The following ATP6V1C2 variants were observed in gnomAD, a reference collection of about 807,000 sequenced individuals.
ATP6V1C2 encodes the protein ATPase H+ transporting V1 subunit C2.
ATP6V1C2 carries 45 observed loss-of-function variants against 56.8 expected under a neutral mutation model. The observed-to-expected ratio is 0.79, with a 90% CI of 0.62 to 1.02. ATP6V1C2 has a LOEUF of 1.02. Among genes scored for constraint, ATP6V1C2 ranks in the 50% least tolerant of loss-of-function variants. The pLI, the probability that ATP6V1C2 is intolerant of heterozygous loss-of-function variation, is 0.00. For synonymous variants in ATP6V1C2, 220 were observed against 201.3 expected (o/e 1.09, Z -0.79); for missense variants, 463 against 519.7 (o/e 0.89, Z 1.06).
chr2:10,741,331 G>T (rs536170823), intron 3 of ATP6V1C2, among the ~76,000 whole-genome samples: 3 of 152,350 alleles, frequency 2.0e-5, no homozygotes, highest in Admixed American at 1.3e-4. Flanking sequence ...TGACTTTGCT[G>T]CAGGGCATGA....
At chr2:10,742,005 G>A (rs1292559570) in intron 3 of ATP6V1C2, among the ~76,000 whole-genome samples, 1 of 151,956 alleles carries the variant, frequency 6.6e-6, no homozygotes, top group Non-Finnish European at 1.5e-5. Context: ...CGCTTCCCGG[G>A]CTCAAGTGGT....
chr2:10,764,936 T>A (rs925797707), intron 5 of ATP6V1C2, among the ~76,000 whole-genome samples: 2 of 150,458 alleles, frequency 1.3e-5, no homozygotes, highest in Admixed American at 1.3e-4. Flanking sequence ...ATGCCACTGC[T>A]CTCCAGCTTG....
intron 3 of ATP6V1C2, among the ~76,000 whole-genome samples, chr2:10,749,399 A>G (rs1663092433): frequency 1.3e-5 from 2 of 152,142 alleles, no homozygotes; most frequent in South Asian, 4.1e-4. Context: ...CATGCTATCC[A>G]CAGAAGAAGA....
chr2:10,723,870 G>A (rs1450398186), intron 2 of ATP6V1C2, among the ~76,000 whole-genome samples: 2 of 128,084 alleles, frequency 1.6e-5, no homozygotes, highest in Non-Finnish European at 3.2e-5. Flanking sequence ...TGAGACATGT[G>A]CAATTTTTTT....
intron 3 of ATP6V1C2, among the ~76,000 whole-genome samples, chr2:10,729,127 CA>C (rs569247167): frequency 0.024 from 3,189 of 132,606 alleles, 50 homozygotes; most frequent in Non-Finnish European, 0.034. Context: ...GACTTTGTCT[CA>C]AAAAAAAAAA....
At chr2:10,762,436 G>A (rs377148526) in intron 4 of ATP6V1C2, among the ~76,000 whole-genome samples, 3 of 151,970 alleles carry the variant, frequency 2.0e-5, no homozygotes, top group African/African-American at 4.8e-5. Context: ...GAGCCACCAC[G>A]CCCGGCAAAG....
At chr2:10,764,052 T>A (rs190504076) in intron 4 of ATP6V1C2, among the ~76,000 whole-genome samples, 75 of 152,328 alleles carry the variant, frequency 4.9e-4, no homozygotes, top group African/African-American at 1.7e-3. Context: ...TAAACCACAG[T>A]CACACAGTCC....
chr2:10,774,440 C>T (rs1207450461), intron 8 of ATP6V1C2, among the ~76,000 whole-genome samples: 1 of 152,232 alleles, frequency 6.6e-6, no homozygotes, highest in East Asian at 1.9e-4. Flanking sequence ...CTCTGCTTTA[C>T]TATCAGGCAG....
At chr2:10,777,439 A>T in intron 10 of ATP6V1C2, 146 bp from the exon 11 acceptor site, 2 of 997,668 alleles carry the variant, frequency 2.0e-6, no homozygotes, top group Non-Finnish European at 2.9e-6. Context: ...CACCTACCAC[A>T]TCTCTAGTCT....
At chr2:10,730,193 G>A (rs1475424439) in intron 3 of ATP6V1C2, among the ~76,000 whole-genome samples, 1 of 152,140 alleles carries the variant, frequency 6.6e-6, no homozygotes, top group Non-Finnish European at 1.5e-5. Flanking sequence ...TTAGCTCACT[G>A]CAACCTCTGA....
At position 10,772,619 on chromosome 2, in the gene ATP6V1C2, G is replaced by A; in HGVS notation, c.638+9G>A. On this transcript the variant is annotated intron_variant, in intron 8 of 13. Transcript: ENST00000272238. Reference sequence around the variant, plus strand: ...GTCCCTCGATCAACCAAGTAAGTGAGACCCCAGCTTGGTCCCAGGGCCCCT... The same window carrying A: ...GTCCCTCGATCAACCAAGTAAGTGAAACCCCAGCTTGGTCCCAGGGCCCCT... 6.2e-7 allele frequency: 1 copy of A among 1,612,732 alleles called. No individual in the cohort carries two copies. Among genetic ancestry groups the A allele is most frequent in the Non-Finnish European group, 8.5e-7 (1 of 1,178,738 alleles).
intron 3 of ATP6V1C2, among the ~76,000 whole-genome samples, chr2:10,747,266 C>T (rs918049658): frequency 1.3e-5 from 2 of 151,990 alleles, no homozygotes; most frequent in Non-Finnish European, 2.9e-5. Flanking sequence ...GAAACTCAGT[C>T]TCAAAAAAAG....
At position 10,780,902 on chromosome 2, in the gene ATP6V1C2, G is replaced by A. The variant is rs1054826836; in HGVS notation, c.1062-1341G>A. Among the ~76,000 whole-genome samples the A allele has an allele frequency of 3.3e-5, 5 of 152,014 alleles. No individual in the cohort carries two copies. The highest frequency in any genetic ancestry group is 2.1e-4 in the South Asian group (1 of 4,814). ...TGGGATTACAGGCGTGCACCACCAC[G>A]CCCAGCTAATTTTTGTAATTTTAGT... On this transcript the variant is annotated intron_variant, in intron 12 of 13. Coordinates refer to ENST00000272238, the MANE Select transcript of ATP6V1C2 (RefSeq NM_001039362.2). This position sits in a 1 kb window ranked among gnomAD's most constrained non-coding sequence, Gnocchi z 4.1.
At position 10,780,481 on chromosome 2, in the gene ATP6V1C2, C is replaced by T. The variant is rs1483078501; in HGVS notation, c.1062-1762C>T. Among the ~76,000 whole-genome samples, 1 of 152,238 alleles carries T rather than the reference C, an allele frequency of 6.6e-6. No homozygotes were observed. Among genetic ancestry groups the T allele is most frequent in the East Asian group, 1.9e-4 (1 of 5,186 alleles). ...TTCTGCCCTGCACATGCACCGCACC[C>T]ACACCTGTACCCATGCGCACCTGTG... On this transcript the variant is annotated intron_variant, in intron 12 of 13. Coordinates refer to ENST00000272238, the MANE Select transcript of ATP6V1C2 (RefSeq NM_001039362.2). This position sits in a 1 kb window ranked among gnomAD's most constrained non-coding sequence, Gnocchi z 4.1.
At chr2:10,761,318 G>A (rs1294182488) in intron 4 of ATP6V1C2, among the ~76,000 whole-genome samples, 1 of 152,070 alleles carries the variant, frequency 6.6e-6, no homozygotes, top group African/African-American at 2.4e-5. Context: ...CAGCTTGTGG[G>A]ATGGCTCTGG....
intron 8 of ATP6V1C2, among the ~76,000 whole-genome samples, chr2:10,773,332 T>C (rs1412353175): frequency 1.3e-5 from 2 of 152,142 alleles, no homozygotes; most frequent in African/African-American, 4.8e-5. Context: ...GGTAGGGGCA[T>C]GTGGGCTTTC....
chr2:10,764,452 C>G (rs750446908), intron 5 of ATP6V1C2, 27 bp downstream of exon 5: 2 of 1,599,396 alleles, frequency 1.3e-6, no homozygotes, highest in South Asian at 2.2e-5. Context: ...CTCTGGGGAA[C>G]AGCTGACTGG....
chr2:10,732,746 G>A (rs1475824456), intron 3 of ATP6V1C2, among the ~76,000 whole-genome samples: 2 of 151,934 alleles, frequency 1.3e-5, no homozygotes, highest in African/African-American at 4.8e-5. Flanking sequence ...GCCGAGGCGG[G>A]TGGATCATGA....
rs373840397 is a variant in ATP6V1C2 at position 10,743,063 on chromosome 2, G to A, written c.198-10918G>A. On this transcript the variant is annotated intron_variant, in intron 3 of 13. Transcript: ENST00000272238. ...GTAAGGGGCTGGGCCTGAGTAGCAC[G>A]CCTCTGTCTTACTCCTTTATTTACT... Among the ~76,000 whole-genome samples, 4 of 152,230 alleles carry A rather than the reference G, an allele frequency of 2.6e-5. No individual in the cohort carries two copies. The East Asian group carries it at 5.8e-4, about 22-fold the overall frequency.
Sources: gnomAD v4.1 joint callset for allele counts (sites outside exome capture counted in the v4.1 genomes callset) on GRCh38, gnomAD v4.1.1 for gene constraint, Gnocchi (gnomAD v3.1) non-coding constraint, MANE v1.5 for transcripts, NCBI Gene and HGNC (gene_info 2026-07-23, HGNC 2026-07-21) for gene names.